OSBPL6: variants seen among roughly 807,000 people sequenced by gnomAD.
OSBPL6 encodes the protein oxysterol binding protein like 6.
In OSBPL6, 49 loss-of-function variants were observed where a neutral mutation model predicts 125.8. The ratio of observed to expected loss-of-function variants is 0.39; its 90% CI spans 0.31 to 0.49. The LOEUF is 0.49. Among genes scored for constraint, OSBPL6 ranks in the 20% least tolerant of loss-of-function variants. The pLI is 0.88. For missense variants in OSBPL6, 986 were observed against 1,135.4 expected (o/e 0.87, Z 1.89); for synonymous variants, 394 against 391.8 (o/e 1.01, Z -0.07).
Position 178,306,131 on chromosome 2 carries a change from T to G in OSBPL6, c.-54T>G. The G allele has an allele frequency of 3.7e-6, 4 of 1,077,622 alleles. No homozygotes were observed. Among genetic ancestry groups the G allele is most frequent in the Non-Finnish European group, 5.7e-6 (4 of 700,224 alleles). The allele number at this position is 1,077,622 out of a possible 1,614,324, so 66.8% of individuals were successfully genotyped here. On this transcript the variant is annotated 5_prime_UTR_variant, in exon 3 of 25. It removes the in-frame stop codon of an upstream open reading frame in the 5' UTR. Transcript: ENST00000190611. ...TCATCTACTTCTTTGTTTGTGGATT[T>G]GAGAGAAGATTGGGATGGTCTTAAG...
intron 1 of OSBPL6, among the ~76,000 whole-genome samples, chr2:178,250,561 C>T (rs1246005406): frequency 6.6e-6 from 1 of 152,192 alleles, no homozygotes; most frequent in Non-Finnish European, 1.5e-5. Context: ...TGCTTGCCTT[C>T]CCAGCCTTAC....
intron 1 of OSBPL6, among the ~76,000 whole-genome samples, chr2:178,211,726 C>A (rs1224307174): frequency 6.6e-6 from 1 of 152,136 alleles, no homozygotes; most frequent in Admixed American, 6.5e-5. Flanking sequence ...CTTATTGCTG[C>A]CCTACCATTA....
chr2:178,291,782 C>T (rs1009894290), intron 2 of OSBPL6, among the ~76,000 whole-genome samples: 1 of 108,688 alleles, frequency 9.2e-6, no homozygotes, highest in Non-Finnish European at 1.9e-5. Flanking sequence ...CCCTGTTTTC[C>T]TTCCTGCCTG....
intron 1 of OSBPL6, among the ~76,000 whole-genome samples, chr2:178,216,916 C>T (rs1161090386): frequency 6.6e-6 from 1 of 152,138 alleles, no homozygotes; most frequent in Non-Finnish European, 1.5e-5. Context: ...CTACTCCACA[C>T]TGAAGAAGAG....
chr2:178,266,881 A>G (rs2092247998), intron 1 of OSBPL6, among the ~76,000 whole-genome samples: 1 of 152,202 alleles, frequency 6.6e-6, no homozygotes, highest in African/African-American at 2.4e-5. Flanking sequence ...GACCCTTAGA[A>G]AAGTTGCACT....
intron 1 of OSBPL6, among the ~76,000 whole-genome samples, chr2:178,217,180 G>T (rs1299667355): frequency 6.6e-6 from 1 of 152,216 alleles, no homozygotes; most frequent in African/African-American, 2.4e-5. Context: ...TTCAGAAAGT[G>T]CTGAAGACTA....
chr2:178,305,993 T>C (rs1292067063), intron 2 of OSBPL6, 37 bp from the exon 3 acceptor site: 3 of 436,692 alleles, frequency 6.9e-6, no homozygotes, highest in Non-Finnish European at 8.1e-6. Context: ...ATTTGACTTT[T>C]AATTACTTAT....
Position 178,399,567 on chromosome 2 carries a change from T to A in OSBPL6, c.*4008T>A, listed in dbSNP as rs1026440337. ...AGAAGGAGGTCTTTAAAAATTGTTG[T>A]GATGGACCAACATGTCCAACATCTT... On this transcript the variant is annotated 3_prime_UTR_variant, in exon 25 of 25. Transcript: ENST00000190611. 6.6e-6 allele frequency: 1 copy of A among 152,248 alleles called. No homozygotes were observed. Among genetic ancestry groups the A allele is most frequent in the African/African-American group, 2.4e-5 (1 of 41,464 alleles). The allele number at this position is 152,248 out of a possible 1,614,324, so 9.4% of individuals were successfully genotyped here.
At chr2:178,394,019 AC>A (rs901175771) in intron 23 of OSBPL6, among the ~76,000 whole-genome samples, 3 of 152,166 alleles carry the variant, frequency 2.0e-5, no homozygotes, top group Non-Finnish European at 4.4e-5. Context: ...AAGTTATAGA[AC>A]CCTAGACAGC....
At chr2:178,374,164 C>A in intron 15 of OSBPL6, 137 bp downstream of exon 15, 1 of 1,082,570 alleles carries the variant, frequency 9.2e-7, no homozygotes, top group Non-Finnish European at 1.3e-6. Flanking sequence ...GTCCAAATTG[C>A]AGCAAAGCTA....
At chr2:178,310,859 C>T (rs889783822) in intron 3 of OSBPL6, among the ~76,000 whole-genome samples, 6 of 152,154 alleles carry the variant, frequency 3.9e-5, no homozygotes, top group Non-Finnish European at 7.3e-5. Flanking sequence ...TCAGGATATA[C>T]CTGGAATCTG....
At chr2:178,211,471 T>C (rs1213646690) in intron 1 of OSBPL6, among the ~76,000 whole-genome samples, 1 of 152,140 alleles carries the variant, frequency 6.6e-6, no homozygotes, top group East Asian at 1.9e-4. Flanking sequence ...GGCTCAGCTT[T>C]CAGTTTGTCC....
chr2:178,278,968 G>C (rs937010187), intron 1 of OSBPL6, among the ~76,000 whole-genome samples: 3 of 152,286 alleles, frequency 2.0e-5, no homozygotes, highest in African/African-American at 7.2e-5. Context: ...ATCCTTCTTT[G>C]TAGAAATGGT....
chr2:178,389,502 T>C (rs1282687446), intron 21 of OSBPL6, among the ~76,000 whole-genome samples: 2 of 152,260 alleles, frequency 1.3e-5, no homozygotes, highest in Non-Finnish European at 2.9e-5. Context: ...TCCTGCTTGA[T>C]ATGTGTTCAA....
intron 14 of OSBPL6, 88 bp from the exon 15 acceptor site, chr2:178,373,802 T>A: frequency 6.6e-7 from 1 of 1,508,898 alleles, no homozygotes; most frequent in Non-Finnish European, 9.0e-7. Context: ...ACATACAGTA[T>A]TAAAGAGTAG....
chr2:178,325,025 A>T (rs1284839385), intron 4 of OSBPL6, among the ~76,000 whole-genome samples: 4 of 152,220 alleles, frequency 2.6e-5, no homozygotes, highest in African/African-American at 7.2e-5. Flanking sequence ...TTTCTGTGTC[A>T]TGGGAGCCAG....
At chr2:178,303,832 C>T (rs1686508123) in intron 2 of OSBPL6, among the ~76,000 whole-genome samples, 1 of 152,170 alleles carries the variant, frequency 6.6e-6, no homozygotes, top group South Asian at 2.1e-4. Flanking sequence ...TCTGCCAGCA[C>T]TCTCCCATCC....
intron 1 of OSBPL6, among the ~76,000 whole-genome samples, chr2:178,211,273 A>G (rs113891118): frequency 0.04 from 6,145 of 152,280 alleles, 171 homozygotes; most frequent in Middle Eastern, 0.11. Context: ...CTATCTCAAA[A>G]ACAAACAAAC....
At chr2:178,371,679 T>C (rs1298604510) in intron 13 of OSBPL6, among the ~76,000 whole-genome samples, 1 of 152,196 alleles carries the variant, frequency 6.6e-6, no homozygotes. Context: ...TTCATTCTAT[T>C]TCTAACTAAT....
Sources: allele counts gnomAD v4.1 joint callset (sites outside exome capture counted in the v4.1 genomes callset), GRCh38; gene constraint gnomAD v4.1.1; transcripts MANE v1.5; gene names NCBI Gene and HGNC (gene_info 2026-07-23, HGNC 2026-07-21).